Variants in AVEN observed in about 807,000 individuals in gnomAD.
AVEN encodes apoptosis and caspase activation inhibitor.
A neutral mutation model predicts 38.1 loss-of-function variants in AVEN; 41 were observed. The ratio of observed to expected loss-of-function variants is 1.08; its 90% CI spans 0.84 to 1.40. AVEN has a LOEUF of 1.40. Among genes scored for constraint, AVEN ranks in the 40% most tolerant of loss-of-function variants. AVEN has a pLI of 0.00. For synonymous variants in AVEN, 206 were observed against 171.8 expected (o/e 1.20, Z -1.56); for missense variants, 605 against 438.8 (o/e 1.38, Z -3.38).
At chr15:33,916,673 A>T (rs190894657) in intron 2 of AVEN, among the ~76,000 whole-genome samples, 215 of 152,294 alleles carry the variant, frequency 1.4e-3, no homozygotes, top group African/African-American at 5.1e-3. Flanking sequence ...GCCATAATAA[A>T]AAAATAATAA....
chr15:34,003,336 T>C, intron 1 of AVEN, 127 bp from the exon 2 acceptor site: 1 of 759,658 alleles, frequency 1.3e-6, no homozygotes, highest in Non-Finnish European at 2.1e-6. Flanking sequence ...TCTGAAGATA[T>C]TAAATATTAT....
intron 4 of AVEN, among the ~76,000 whole-genome samples, chr15:33,868,636 G>C (rs549936018): frequency 1.3e-4 from 19 of 151,384 alleles, no homozygotes; most frequent in African/African-American, 4.4e-4. Context: ...TAAAGGTGCA[G>C]TAACAAATTC....
At chr15:34,062,623 T>C in intron 5 of AVEN, 2 of 1,116,074 alleles carry the variant, frequency 1.8e-6, no homozygotes, top group Non-Finnish European at 2.6e-6. Context: ...GCGAAGCTAA[T>C]GTGTTTCCCT....
intron 2 of AVEN, among the ~76,000 whole-genome samples, chr15:33,987,233 T>A (rs1896516160): frequency 6.6e-6 from 1 of 152,232 alleles, no homozygotes; most frequent in African/African-American, 2.4e-5. Flanking sequence ...CAATGCAGTA[T>A]CCCATATGTG....
chr15:34,058,734 A>G (rs978807545), intron 5 of AVEN, among the ~76,000 whole-genome samples: 2 of 152,318 alleles, frequency 1.3e-5, no homozygotes, highest in Admixed American at 1.3e-4. Context: ...TCAGCTCATC[A>G]GAACATTTAT....
At chr15:33,860,772 C>T (rs775262695) in intron 11 of AVEN, 31 of 864,170 alleles carry the variant, frequency 3.6e-5, no homozygotes, top group East Asian at 3.5e-4. Context: ...AGCAAGAACG[C>T]AGTTTGTTTT....
At chr15:33,955,752 G>C (rs533061445) in intron 2 of AVEN, among the ~76,000 whole-genome samples, 4 of 152,252 alleles carry the variant, frequency 2.6e-5, no homozygotes, top group South Asian at 2.1e-4. Context: ...CTCCGAATCA[G>C]TTACTTATGC....
chr15:33,951,083 G>T (rs766170869), intron 2 of AVEN, among the ~76,000 whole-genome samples: 6 of 151,596 alleles, frequency 4.0e-5, no homozygotes, highest in Non-Finnish European at 7.4e-5. Flanking sequence ...AGAGGCGAGT[G>T]GGGGGAGGAA....
intron 2 of AVEN, among the ~76,000 whole-genome samples, chr15:33,985,033 G>A (rs1165163676): frequency 6.6e-6 from 1 of 152,006 alleles, no homozygotes; most frequent in East Asian, 1.9e-4. Context: ...TTATCCCACA[G>A]CATTCTGTAT....
upstream of AVEN, among the ~76,000 whole-genome samples, chr15:34,040,660 G>T (rs530438505): frequency 6.6e-6 from 1 of 152,116 alleles, no homozygotes; most frequent in East Asian, 1.9e-4. Context: ...CAGGTGTGTG[G>T]TTCGTGCCTG....
chr15:34,006,841 T>C (rs1359783677), intron 1 of AVEN, among the ~76,000 whole-genome samples: 4 of 152,184 alleles, frequency 2.6e-5, no homozygotes, highest in African/African-American at 9.7e-5. Context: ...GAAAGATGTA[T>C]CTTAAAAACT....
chr15:33,872,447 C>A (rs1460633421), intron 3 of AVEN, among the ~76,000 whole-genome samples: 1 of 152,124 alleles, frequency 6.6e-6, no homozygotes, highest in East Asian at 1.9e-4. Flanking sequence ...GAGCCTGGGG[C>A]CCAGAGACCA....
chr15:33,864,072 GTTAA>G, downstream of AVEN: 1 of 1,230,096 alleles, frequency 8.1e-7, no homozygotes. Flanking sequence ...CCTGATCACA[GTTAA>G]TCCATGCGAA....
chr15:33,853,274 C>G, the AVEN span, among the ~76,000 whole-genome samples: 2 of 152,224 alleles, frequency 1.3e-5, no homozygotes, highest in Non-Finnish European at 2.9e-5. Flanking sequence ...ATATACTCAT[C>G]TGCCTTAAAC....
intron 2 of AVEN, among the ~76,000 whole-genome samples, chr15:33,939,618 T>A (rs1489318316): frequency 6.6e-6 from 1 of 152,218 alleles, no homozygotes; most frequent in Non-Finnish European, 1.5e-5. Context: ...AGCTGTGAAT[T>A]AAAGCAAGTT....
chr15:33,985,213 G>A (rs1437018283), intron 2 of AVEN, among the ~76,000 whole-genome samples: 2 of 151,946 alleles, frequency 1.3e-5, no homozygotes, highest in African/African-American at 4.8e-5. Context: ...CAGAAGACAT[G>A]AGACACCTGG....
chr15:34,073,891 A>G (rs2140859760), intron 1 of AVEN, among the ~76,000 whole-genome samples: 1 of 151,756 alleles, frequency 6.6e-6, no homozygotes, highest in East Asian at 1.9e-4. Flanking sequence ...TGTCTGTTAC[A>G]TGCACCCAGT....
chr15:33,854,620 C>G (rs528638295), downstream of AVEN: 2 of 1,141,366 alleles, frequency 1.8e-6, no homozygotes, highest in African/African-American at 1.6e-5. Context: ...ATGGGGCTCA[C>G]TTAGCAGATC....
chr15:33,874,970 T>C (rs1038962881), intron 3 of AVEN, among the ~76,000 whole-genome samples: 1 of 152,192 alleles, frequency 6.6e-6, no homozygotes, highest in Non-Finnish European at 1.5e-5. Flanking sequence ...CAAAGACAAA[T>C]ATTTGTAATT....
Sources: gnomAD v4.1 joint callset for allele counts (sites outside exome capture counted in the v4.1 genomes callset) on GRCh38, gnomAD v4.1.1 for gene constraint, MANE v1.5 for transcripts, NCBI Gene and HGNC (gene_info 2026-07-23, HGNC 2026-07-21) for gene names.